MBNL2: variants seen among roughly 807,000 people sequenced by gnomAD.
MBNL2 encodes the protein muscleblind-like protein 2.
Under a neutral mutation model 41.9 loss-of-function variants are expected in MBNL2, and 17 were observed. That is an observed-to-expected ratio of 0.41 (90% confidence interval 0.28 to 0.61). The LOEUF is 0.61. Among genes scored for constraint, MBNL2 ranks in the 20% least tolerant of loss-of-function variants. MBNL2 has a pLI of 0.35. For synonymous variants in MBNL2, 195 were observed against 182.9 expected, an observed-to-expected ratio of 1.07 and a Z score of -0.53; for missense variants, 336 against 505.6, an observed-to-expected ratio of 0.66 and a Z score of 3.22.
intron 1 of MBNL2, among the ~76,000 whole-genome samples, chr13:97,235,374 G>A (rs924835392): frequency 6.6e-6 from 1 of 152,180 alleles, no homozygotes; most frequent in African/African-American, 2.4e-5. Context: ...AATTTATGTT[G>A]TATAACGCAG....
intron 8 of MBNL2, among the ~76,000 whole-genome samples, chr13:97,374,120 G>A (rs897081512): frequency 8.1e-6 from 1 of 123,812 alleles, no homozygotes; most frequent in Admixed American, 1.0e-4. Flanking sequence ...TGTCACCTAC[G>A]CTGGAGTGCA....
chr13:97,353,841 G>A (rs1260208349), intron 5 of MBNL2, among the ~76,000 whole-genome samples: 2 of 151,956 alleles, frequency 1.3e-5, no homozygotes, highest in Admixed American at 6.5e-5. Context: ...AGCTAGATAC[G>A]TTTCGATTGT....
upstream of MBNL2, among the ~76,000 whole-genome samples, chr13:97,218,430 C>CAAAAAAAA (rs746110575): frequency 1.4e-5 from 1 of 69,050 alleles, no homozygotes; most frequent in African/African-American, 9.9e-5. Flanking sequence ...AAAAACAAAA[C>CAAAAAAAA]AAAACAAAAC....
Position 97,391,582 on chromosome 13 carries a change from T to C in MBNL2, c.*133T>C, listed in dbSNP as rs1374381394. On this transcript the variant is annotated 3_prime_UTR_variant, in exon 9 of 9. Transcript: ENST00000679496. Reference sequence around the variant, plus strand: ...GTTAACTACCTGAGACCAGCTGTGATGTTTAAAGACATAAAGGATAAAGTT... The same window carrying C: ...GTTAACTACCTGAGACCAGCTGTGACGTTTAAAGACATAAAGGATAAAGTT... The C allele has an allele frequency of 1.5e-6, 1 of 658,440 alleles. No individual in the cohort carries two copies. The allele number at this position is 658,440 out of a possible 1,614,324, so 40.8% of individuals were successfully genotyped here. A position where few individuals can be genotyped will look rare whatever the true frequency, so the allele number is the denominator to read the frequency against.
the MBNL2 span, among the ~76,000 whole-genome samples, chr13:97,174,643 C>T: frequency 6.6e-6 from 1 of 152,134 alleles, no homozygotes; most frequent in Non-Finnish European, 1.5e-5. Flanking sequence ...TTTTGGAAGG[C>T]AGGCTCACAG....
intron 1 of MBNL2, among the ~76,000 whole-genome samples, chr13:97,227,671 G>C (rs2041843012): frequency 6.6e-6 from 1 of 152,152 alleles, no homozygotes; most frequent in Non-Finnish European, 1.5e-5. Flanking sequence ...TTTTTTTCCA[G>C]CAGCTAATTG....
chr13:97,167,525 A>T, the MBNL2 span, among the ~76,000 whole-genome samples: 5 of 152,362 alleles, frequency 3.3e-5, no homozygotes, highest in South Asian at 1.0e-3. Context: ...CTTTATTTAT[A>T]AAAGTCTATT....
At chr13:97,357,767 G>T in intron 7 of MBNL2, 132 bp downstream of exon 7, 2 of 898,420 alleles carry the variant, frequency 2.2e-6, no homozygotes, top group Non-Finnish European at 3.7e-6. Flanking sequence ...CGTTGTCCTA[G>T]CTATCTAAAT....
chr13:97,316,361 A>G (rs972008929), intron 2 of MBNL2, among the ~76,000 whole-genome samples: 1 of 152,212 alleles, frequency 6.6e-6, no homozygotes, highest in Admixed American at 6.5e-5. Flanking sequence ...CCTTCGGTCC[A>G]TTCTCACACA....
intron 2 of MBNL2, among the ~76,000 whole-genome samples, chr13:97,323,134 A>G (rs888953784): frequency 6.6e-6 from 1 of 152,136 alleles, no homozygotes; most frequent in Non-Finnish European, 1.5e-5. Context: ...ACACCCACAA[A>G]ATGTCGGCCT....
At chr13:97,180,999 A>G in the MBNL2 span, among the ~76,000 whole-genome samples, 16 of 152,072 alleles carry the variant, frequency 1.1e-4, no homozygotes, top group African/African-American at 3.6e-4. Context: ...GGTCATCTGC[A>G]CTGTGTATTC....
At chr13:97,345,013 G>A (rs1160432580) in intron 4 of MBNL2, among the ~76,000 whole-genome samples, 1 of 151,508 alleles carries the variant, frequency 6.6e-6, no homozygotes, top group South Asian at 2.1e-4. Flanking sequence ...CTCAGAATCC[G>A]TGGGAACATC....
chr13:97,156,613 T>C, the MBNL2 span, among the ~76,000 whole-genome samples: 3 of 139,600 alleles, frequency 2.1e-5, no homozygotes, highest in African/African-American at 5.5e-5. Flanking sequence ...TTTCTACATA[T>C]GGCTAGCCAG....
intron 2 of MBNL2, among the ~76,000 whole-genome samples, chr13:97,320,324 A>G (rs921179862): frequency 4.7e-5 from 7 of 148,650 alleles, no homozygotes; most frequent in Non-Finnish European, 7.4e-5. Context: ...CAATGGTGCG[A>G]TCTCGGCTCA....
At chr13:97,267,294 G>A (rs1253433511) in intron 1 of MBNL2, among the ~76,000 whole-genome samples, 1 of 152,148 alleles carries the variant, frequency 6.6e-6, no homozygotes, top group Non-Finnish European at 1.5e-5. Flanking sequence ...AAAAGTGAAT[G>A]CTTTCTGAAA....
the MBNL2 span, among the ~76,000 whole-genome samples, chr13:97,209,666 C>T: frequency 6.6e-6 from 1 of 152,148 alleles, no homozygotes; most frequent in South Asian, 2.1e-4. Flanking sequence ...TTAGTTTATA[C>T]ACTATGAAAA....
chr13:97,181,958 G>A, the MBNL2 span, among the ~76,000 whole-genome samples: 859 of 152,284 alleles, frequency 5.6e-3, 7 homozygotes, highest in Non-Finnish European at 8.2e-3. Flanking sequence ...TTCTAAAGGC[G>A]TAGTACTTCC....
chr13:97,214,255 C>T, the MBNL2 span, among the ~76,000 whole-genome samples: 2 of 152,264 alleles, frequency 1.3e-5, no homozygotes, highest in South Asian at 2.1e-4. Flanking sequence ...TTTGACTTTT[C>T]GACTCTTTCC....
chr13:97,347,139 G>A (rs1382971042), intron 5 of MBNL2, 72 bp downstream of exon 5: 2 of 1,193,918 alleles, frequency 1.7e-6, no homozygotes, highest in Non-Finnish European at 2.3e-6. Context: ...GGACTTGGAT[G>A]TTCTTCCAAA....
Sources: gnomAD v4.1 joint callset for allele counts (sites outside exome capture counted in the v4.1 genomes callset) on GRCh38, gnomAD v4.1.1 for gene constraint, MANE v1.5 for transcripts, NCBI Gene and HGNC (gene_info 2026-07-23, HGNC 2026-07-21) for gene names.